Variants in CADPS observed in about 807,000 individuals in gnomAD.
CADPS encodes the protein calcium-dependent secretion activator 1.
A neutral mutation model predicts 167.3 loss-of-function variants in CADPS; 57 were observed. The ratio of observed to expected loss-of-function variants is 0.34; its 90% CI spans 0.28 to 0.42. CADPS has a LOEUF of 0.42. Ranked by LOEUF, CADPS falls within the 20% of genes least tolerant of loss-of-function variation. CADPS has a pLI of 1.00. For synonymous variants in CADPS, 676 were observed against 635.3 expected (o/e 1.06, Z -0.96); for missense variants, 1,414 against 1,738.1 (o/e 0.81, Z 3.32).
intron 3 of CADPS, among the ~76,000 whole-genome samples, chr3:62,709,804 C>G (rs1029337612): frequency 6.6e-6 from 1 of 152,022 alleles, no homozygotes; most frequent in Non-Finnish European, 1.5e-5. Context: ...GAGTCTCATT[C>G]TGTCACCCAG....
At chr3:62,411,260 T>C (rs2048903050) in intron 28 of CADPS, among the ~76,000 whole-genome samples, 1 of 152,188 alleles carries the variant, frequency 6.6e-6, no homozygotes, top group Non-Finnish European at 1.5e-5. Context: ...CTCTGGAAAG[T>C]TCCCTTTCTC....
Position 62,478,520 on chromosome 3 carries a change from A to G in CADPS, c.3174-104T>C, listed in dbSNP as rs1429680848. ...GGCTAGAAGGCAAACAGCAGCTTCAACATACAAAACAACGTGTGTTGGCGG... is the reference window on the plus strand; with the variant it reads ...GGCTAGAAGGCAAACAGCAGCTTCAGCATACAAAACAACGTGTGTTGGCGG... On this transcript the variant is annotated intron_variant, in intron 22 of 29. Coordinates refer to ENST00000383710, the MANE Select transcript of CADPS (RefSeq NM_003716.4). This position sits in a 1 kb window ranked among gnomAD's most constrained non-coding sequence, Gnocchi z 5.7. The G allele has an allele frequency of 8.5e-6, 9 of 1,054,342 alleles. No homozygotes were observed. The East Asian group carries it at 2.1e-4, about 24-fold the overall frequency. The allele number at this position is 1,054,342 out of a possible 1,614,324, so 65.3% of individuals were successfully genotyped here.
rs144831088 is a variant in CADPS, at chr3:62,530,497, C to T, written c.2291+2374G>A. On this transcript the variant is annotated intron_variant, in intron 13 of 29. Transcript: ENST00000383710. ...CAATACACGGTATTTTTGCCCATTG[C>T]TAGAATTTTTTTTTAAAATTGCACC... is the stretch of plus-strand genomic sequence containing the variant. Among the ~76,000 whole-genome samples the T allele has an allele frequency of 1.7e-3, 258 of 151,796 alleles. 1 individual carries two copies. The highest frequency in any genetic ancestry group is 5.3e-3 in the African/African-American group (216 of 41,134).
intron 3 of CADPS, among the ~76,000 whole-genome samples, chr3:62,747,752 T>G (rs1180223313): frequency 1.3e-5 from 2 of 152,196 alleles, no homozygotes; most frequent in Non-Finnish European, 2.9e-5. Flanking sequence ...TCAGAGAGAA[T>G]AAATGAACAG....
At chr3:62,462,786 C>A (rs892845482) in intron 26 of CADPS, among the ~76,000 whole-genome samples, 4 of 152,144 alleles carry the variant, frequency 2.6e-5, no homozygotes, top group Non-Finnish European at 5.9e-5. Flanking sequence ...CCACTCCACT[C>A]CTGGGGAATT....
chr3:62,742,032 C>CA (rs1332437549), intron 3 of CADPS, among the ~76,000 whole-genome samples: 2 of 151,914 alleles, frequency 1.3e-5, no homozygotes, highest in Non-Finnish European at 2.9e-5. Context: ...ACAATTGCCA[C>CA]AAAAAAGAAT....
chr3:62,557,421 G>A lies in CADPS; in HGVS notation c.1737C>T (p.Tyr579=), dbSNP rs76254845. ...GGTGGGTACCTGGCTGGGGGTCGGT[G>A]TAATCCACAGTGTAGCCATCCAATT... ...LLQLDGYTVD[Y]TDPQPGLEGG... is the part of the protein sequence containing the mutation. The change falls in exon 10 of 30, where the codon TAC becomes TAT. Residue 579 remains tyrosine, a synonymous_variant. Coordinates refer to ENST00000383710, the MANE Select transcript of CADPS (RefSeq NM_003716.4). 4.1e-4 allele frequency: 661 copies of A among 1,613,512 alleles called. 3 individuals carry two copies. The African/African-American group carries it at 7.6e-3, about 19-fold the overall frequency.
chr3:62,780,292 A>G (rs2091318577), intron 1 of CADPS, among the ~76,000 whole-genome samples: 1 of 152,148 alleles, frequency 6.6e-6, no homozygotes, highest in Non-Finnish European at 1.5e-5. Context: ...GTGGTGCATG[A>G]CTGTGGTCCC....
At chr3:62,739,200 T>C (rs866577994) in intron 3 of CADPS, among the ~76,000 whole-genome samples, 1 of 152,136 alleles carries the variant, frequency 6.6e-6, no homozygotes, top group Admixed American at 6.6e-5. Flanking sequence ...CTTAAAACCC[T>C]GTCCAATGGC....
chr3:62,707,734 A>G (rs999420890), intron 3 of CADPS, among the ~76,000 whole-genome samples: 1 of 152,080 alleles, frequency 6.6e-6, no homozygotes, highest in African/African-American at 2.4e-5. Context: ...AAATTTCTTA[A>G]TTTTTCTACT....
rs764018019 is a variant in CADPS, at chr3:62,662,323, T to G, written c.960A>C (p.Gln320His). ...CACAATGTTTCCTTACCCTGGCTAT[T>G]TGGTCTGCCATTTGTAGACGTCCAT... is the stretch of plus-strand genomic sequence containing the variant. ...ELDGRLQMAD[Q>H]IARERKFPKF... The change falls in exon 4 of 30, where the codon CAA becomes CAC. Residue 320 changes from glutamine (Q) to histidine (H), a missense_variant. Coordinates refer to ENST00000383710, the MANE Select transcript of CADPS (RefSeq NM_003716.4). 1 of 1,613,786 alleles carries G rather than the reference T, an allele frequency of 6.2e-7. No individual in the cohort carries two copies. Among genetic ancestry groups the G allele is most frequent in the Non-Finnish European group, 8.5e-7 (1 of 1,179,738 alleles).
At chr3:62,612,644 C>A (rs933618829) in intron 6 of CADPS, among the ~76,000 whole-genome samples, 10 of 152,284 alleles carry the variant, frequency 6.6e-5, no homozygotes, top group South Asian at 4.1e-4. Flanking sequence ...AGGTACCAAC[C>A]AAATGACTTC....
rs1047925051 is a variant in CADPS at position 62,693,792 on chromosome 3, A to G, written c.889-31398T>C. 1.6e-3 allele frequency among the ~76,000 whole-genome samples: 247 copies of G among 151,650 alleles called. 4 individuals carry two copies. The highest frequency in any genetic ancestry group is 5.7e-3 in the African/African-American group (235 of 41,310). Reference sequence around the variant, plus strand: ...AGAATGGGACTCCATCTTAAAAAAAAAAAAAAAATTCTATTTTCCTTCATG... The same window carrying G: ...AGAATGGGACTCCATCTTAAAAAAAGAAAAAAAATTCTATTTTCCTTCATG... On this transcript the variant is annotated intron_variant, in intron 3 of 29. Coordinates refer to ENST00000383710, the MANE Select transcript of CADPS (RefSeq NM_003716.4).
intron 1 of CADPS, among the ~76,000 whole-genome samples, chr3:62,873,562 T>C (rs937589277): frequency 2.6e-5 from 4 of 151,330 alleles, no homozygotes; most frequent in Non-Finnish European, 5.9e-5. Flanking sequence ...CCCCTCATCT[T>C]GCAGTACCCC....
intron 6 of CADPS, among the ~76,000 whole-genome samples, chr3:62,644,944 G>A (rs572168247): frequency 6.6e-6 from 1 of 152,264 alleles, no homozygotes; most frequent in South Asian, 2.1e-4. Flanking sequence ...GTGAGCTGTG[G>A]AGGGCTACAG....
intron 26 of CADPS, among the ~76,000 whole-genome samples, chr3:62,450,114 C>T (rs1401147843): frequency 1.3e-5 from 2 of 152,284 alleles, no homozygotes; most frequent in East Asian, 1.9e-4. Context: ...CTCTGGCCCA[C>T]GGGCAATTTC....
chr3:62,423,017 TC>T (rs2051792697), intron 28 of CADPS, among the ~76,000 whole-genome samples: 1 of 152,212 alleles, frequency 6.6e-6, no homozygotes, highest in Non-Finnish European at 1.5e-5. Flanking sequence ...GGATAAAAGA[TC>T]TTAGAACACA....
In CADPS at chr3:62,652,408, A is replaced by C. The variant is rs1301456342; in HGVS notation, c.970-1328T>G. 9.2e-5 allele frequency among the ~76,000 whole-genome samples: 14 copies of C among 151,542 alleles called. 1 individual carries two copies. Among genetic ancestry groups the C allele is most frequent in the Admixed American group, 6.6e-4 (10 of 15,208 alleles). ...GCCAATTCTGTGTGGCCAAAAAAAAAAAAAAAAAAAAAAAATAAGCTGTGT... is the reference window on the plus strand; with the variant it reads ...GCCAATTCTGTGTGGCCAAAAAAAACAAAAAAAAAAAAAAATAAGCTGTGT... On this transcript the variant is annotated intron_variant, in intron 4 of 29. Coordinates refer to ENST00000383710, the MANE Select transcript of CADPS (RefSeq NM_003716.4).
chr3:62,846,062 T>G (rs1295667263), intron 1 of CADPS, among the ~76,000 whole-genome samples: 1 of 150,960 alleles, frequency 6.6e-6, no homozygotes, highest in Non-Finnish European at 1.5e-5. Context: ...TTGCTCTCTC[T>G]CTCTCTCTCT....
Sources: gnomAD v4.1 joint callset for allele counts (sites outside exome capture counted in the v4.1 genomes callset) on GRCh38, gnomAD v4.1.1 for gene constraint, Gnocchi (gnomAD v3.1) non-coding constraint, MANE v1.5 for transcripts, NCBI Gene and HGNC (gene_info 2026-07-23, HGNC 2026-07-21) for gene names.